The following COPG2 variants were observed in gnomAD, a reference collection of about 807,000 sequenced individuals.
The protein encoded by COPG2 is coat protein complex I subunit gamma 2.
A neutral mutation model predicts 46.3 loss-of-function variants in COPG2; 37 were observed. The ratio of observed to expected loss-of-function variants is 0.80; its 90% CI spans 0.61 to 1.05. COPG2 has a LOEUF of 1.05. Among genes scored for constraint, COPG2 ranks in the 50% least tolerant of loss-of-function variants. The pLI is 0.00. For missense variants in COPG2, 427 were observed against 387.8 expected, an observed-to-expected ratio of 1.10 and a Z score of -0.85; for synonymous variants, 159 against 129.7, an observed-to-expected ratio of 1.23 and a Z score of -1.53.
chr7:130,637,871 G>T (rs1478408553), intron 5 of COPG2, among the ~76,000 whole-genome samples: 1 of 152,106 alleles, frequency 6.6e-6, no homozygotes, highest in Admixed American at 6.5e-5. Flanking sequence ...ATCTATCTTT[G>T]GTCTTTGATG....
chr7:130,571,538 TAA>T (rs1429739944), intron 9 of COPG2, among the ~76,000 whole-genome samples: 4 of 151,764 alleles, frequency 2.6e-5, no homozygotes, highest in African/African-American at 9.7e-5. Context: ...AATTAAAAAA[TAA>T]AAAGATAGAT....
At chr7:130,526,482 G>A (rs1330590328) in intron 20 of COPG2, among the ~76,000 whole-genome samples, 1 of 152,082 alleles carries the variant, frequency 6.6e-6, no homozygotes, top group Non-Finnish European at 1.5e-5. Context: ...GTGGAAGTGG[G>A]ACGATAAGGC....
chr7:130,618,703 G>GT (rs1832729647), intron 5 of COPG2, among the ~76,000 whole-genome samples: 1 of 151,812 alleles, frequency 6.6e-6, no homozygotes, highest in Non-Finnish European at 1.5e-5. Flanking sequence ...TTACCCTTAG[G>GT]TTTTTCCTTC....
intron 1 of COPG2, 80 bp downstream of exon 1, chr7:130,668,552 C>T: frequency 7.3e-7 from 1 of 1,376,320 alleles, no homozygotes; most frequent in Non-Finnish European, 9.7e-7. Context: ...CCCAGCCCCG[C>T]CGGCCTGAAA....
At chr7:130,667,116 T>C (rs957954186) in intron 2 of COPG2, among the ~76,000 whole-genome samples, 187 bp from the exon 3 acceptor site, 5 of 152,216 alleles carry the variant, frequency 3.3e-5, no homozygotes, top group Non-Finnish European at 5.9e-5. Context: ...TACTTTCTCA[T>C]TCCCTTAGGT....
chr7:130,545,485 G>T (rs1020500591), intron 20 of COPG2, among the ~76,000 whole-genome samples: 36 of 152,236 alleles, frequency 2.4e-4, no homozygotes, highest in East Asian at 1.5e-3. Context: ...ATGCAAAAAG[G>T]AAGGAATGGG....
chr7:130,600,789 A>G (rs565923618), intron 9 of COPG2, among the ~76,000 whole-genome samples: 57 of 152,178 alleles, frequency 3.7e-4, no homozygotes, highest in Non-Finnish European at 6.5e-4. Context: ...AAATTCAATT[A>G]CATTCATTAT....
intron 11 of COPG2, 135 bp from the exon 12 acceptor site, chr7:130,561,356 T>C (rs962124329): frequency 7.6e-6 from 3 of 396,206 alleles, no homozygotes; most frequent in Non-Finnish European, 8.9e-6. Flanking sequence ...ACAAAAAGAA[T>C]GGCTCCAGTT....
At chr7:130,527,712 C>T (rs1374593224) in intron 20 of COPG2, among the ~76,000 whole-genome samples, 139,203 of 151,824 alleles carry the variant, frequency 0.92, 63,987 homozygotes, top group Middle Eastern at 0.95. Flanking sequence ...CGGGCAGATA[C>T]GTGGAGTGCG....
At position 130,538,053 on chromosome 7, in the gene COPG2, T is replaced by C. The variant is rs918530065; in HGVS notation, c.2149+9621A>G. Among the ~76,000 whole-genome samples the C allele has an allele frequency of 1.0e-3, 158 of 152,114 alleles. 1 individual carries two copies. Among genetic ancestry groups the C allele is most frequent in the African/African-American group, 3.2e-3 (131 of 41,518 alleles). On this transcript the variant is annotated intron_variant, in intron 20 of 23. Coordinates refer to ENST00000425248, the MANE Select transcript of COPG2 (RefSeq NM_012133.6). ...CAGCAGATGGACTCAGTACAGCAAG[T>C]TGAGGACATGGAAGCTGGCAGTGGT...
At chr7:130,516,212 G>GGA (rs1799677083) in intron 20 of COPG2, among the ~76,000 whole-genome samples, 1 of 152,178 alleles carries the variant, frequency 6.6e-6, no homozygotes, top group East Asian at 1.9e-4. Context: ...GATACTAACT[G>GGA]GAGGTATTTG....
intron 5 of COPG2, among the ~76,000 whole-genome samples, chr7:130,617,919 G>A (rs951588029): frequency 4.1e-4 from 63 of 151,910 alleles, no homozygotes; most frequent in African/African-American, 1.4e-3. Context: ...TGGGAAACAT[G>A]ACTAAACCCC....
intron 5 of COPG2, among the ~76,000 whole-genome samples, chr7:130,635,681 GA>G (rs1554456065): frequency 2.6e-5 from 4 of 152,078 alleles, no homozygotes; most frequent in Non-Finnish European, 5.9e-5. Flanking sequence ...TTTTTTGAAG[GA>G]TTTTTTGTGT....
intron 5 of COPG2, among the ~76,000 whole-genome samples, chr7:130,650,178 T>C (rs557786696): frequency 6.6e-6 from 1 of 152,232 alleles, no homozygotes; most frequent in South Asian, 2.1e-4. Context: ...GCATCCCACT[T>C]CCATTTTTAA....
rs201593149 is a variant in COPG2, at chr7:130,507,702, G to A, written c.2369C>T (p.Ser790Phe). The change falls in exon 22 of 24, where the codon TCT becomes TTT. Residue 790 changes from serine to phenylalanine, a missense_variant. Physicochemically the swap from Ser to Phe is radical, Grantham distance 155 (BLOSUM62 -2). Transcript: ENST00000425248. ...FEKEETFALSSTKTLEEAVNN... is the reference protein window; with the variant it reads ...FEKEETFALSFTKTLEEAVNN... ...GGTCTCACCTTCAAGGGTTTTGGTA[G>A]AACTGAGGGCAAAGGTTTCCTCTTT... The A allele has an allele frequency of 1.2e-4, 93 of 780,314 alleles. No individual in the cohort carries two copies. The highest frequency in any genetic ancestry group is 4.5e-4 in the Middle Eastern group (2 of 4,438). 48.3% of individuals were successfully genotyped at this position (780,314 alleles called of 1,614,324 possible). A position where few individuals can be genotyped will look rare whatever the true frequency, so the allele number is the denominator to read the frequency against.
At chr7:130,635,728 T>C (rs1795325144) in intron 5 of COPG2, among the ~76,000 whole-genome samples, 1 of 152,204 alleles carries the variant, frequency 6.6e-6, no homozygotes, top group South Asian at 2.1e-4. Flanking sequence ...CTCTTAGTTA[T>C]TTCTTGTCTT....
chr7:130,542,517 G>A (rs1266970229), intron 20 of COPG2, among the ~76,000 whole-genome samples: 1 of 152,086 alleles, frequency 6.6e-6, no homozygotes, highest in Middle Eastern at 3.2e-3. Flanking sequence ...CATCAGTGGG[G>A]GGCAGGGCAG....
chr7:130,558,316 A>G (rs1793664469), intron 12 of COPG2, among the ~76,000 whole-genome samples: 1 of 151,978 alleles, frequency 6.6e-6, no homozygotes, highest in South Asian at 2.1e-4. Flanking sequence ...GTCATTTAAA[A>G]GTGTGTAACA....
chr7:130,573,099 A>G (rs1487081969), intron 9 of COPG2, among the ~76,000 whole-genome samples: 1 of 151,954 alleles, frequency 6.6e-6, no homozygotes, highest in Non-Finnish European at 1.5e-5. Flanking sequence ...AACAAATTAG[A>G]TAACTTAGAT....
Sources: allele counts gnomAD v4.1 joint callset (sites outside exome capture counted in the v4.1 genomes callset), GRCh38; gene constraint gnomAD v4.1.1; transcripts MANE v1.5; gene names NCBI Gene and HGNC (gene_info 2026-07-23, HGNC 2026-07-21).